OR2L13: variants seen among roughly 807,000 people sequenced by gnomAD.
The protein encoded by OR2L13 is olfactory receptor family 2 subfamily L member 13, also known as olfactory receptor 2L13.
Under a neutral mutation model 15.3 loss-of-function variants are expected in OR2L13, and 14 were observed. The observed-to-expected ratio is 0.91, with a 90% CI of 0.60 to 1.43. OR2L13 has a LOEUF of 1.43. Among genes scored for constraint, OR2L13 ranks in the 40% most tolerant of loss-of-function variants. The pLI, the probability that OR2L13 is intolerant of heterozygous loss-of-function variation, is 0.00. For synonymous variants in OR2L13, 152 were observed against 142.9 expected (o/e 1.06, Z -0.45); for missense variants, 367 against 387.9 (o/e 0.95, Z 0.45).
At chr1:247,969,584 C>A in the OR2L13 span, among the ~76,000 whole-genome samples, 3 of 152,184 alleles carry the variant, frequency 2.0e-5, no homozygotes, top group African/African-American at 7.2e-5. Flanking sequence ...AAGCAGACCT[C>A]ACTTTCAAAT....
chr1:247,943,172 A>C, the OR2L13 span, among the ~76,000 whole-genome samples: 5 of 152,280 alleles, frequency 3.3e-5, no homozygotes, highest in East Asian at 9.6e-4. Context: ...ATGGGCATAG[A>C]AATATTTGTT....
the OR2L13 span, chr1:248,046,714 A>G: frequency 2.0e-5 from 3 of 152,324 alleles, no homozygotes; most frequent in African/African-American, 7.2e-5. Flanking sequence ...GACTGGATTC[A>G]TGATTGCTAC....
chr1:248,022,190 T>G, the OR2L13 span: 6 of 1,613,966 alleles, frequency 3.7e-6, no homozygotes, highest in Non-Finnish European at 5.1e-6. Flanking sequence ...CTAAGATGGC[T>G]TCTGATTTTC....
the OR2L13 span, among the ~76,000 whole-genome samples, chr1:248,086,959 C>T: frequency 6.6e-6 from 1 of 151,870 alleles, no homozygotes; most frequent in Non-Finnish European, 1.5e-5. Context: ...AATGTTGTGT[C>T]TATTAGTGTC....
chr1:248,082,103 C>G, the OR2L13 span, among the ~76,000 whole-genome samples: 1 of 148,122 alleles, frequency 6.8e-6, no homozygotes, highest in Non-Finnish European at 1.5e-5. Flanking sequence ...AAATGTCCAA[C>G]AATGATAGAC....
At chr1:247,953,163 T>A in the OR2L13 span, among the ~76,000 whole-genome samples, 1 of 152,210 alleles carries the variant, frequency 6.6e-6, no homozygotes. Context: ...CAGATAATTT[T>A]GAAAGTTGGA....
the OR2L13 span, among the ~76,000 whole-genome samples, chr1:248,012,086 C>G: frequency 6.6e-6 from 1 of 152,286 alleles, no homozygotes; most frequent in Middle Eastern, 3.4e-3. Flanking sequence ...ATTCTAATCA[C>G]TTCTTCCAGA....
At chr1:248,083,622 T>C in the OR2L13 span, 8 of 1,372,560 alleles carry the variant, frequency 5.8e-6, no homozygotes, top group South Asian at 9.4e-5. Context: ...TTAGAGTCAT[T>C]TGACACTAGA....
At chr1:248,023,095 C>A in the OR2L13 span, 27 of 453,006 alleles carry the variant, frequency 6.0e-5, no homozygotes, top group Non-Finnish European at 9.3e-5. Context: ...AAAGACAGAT[C>A]ATATATTTTA....
At chr1:248,011,125 G>A in the OR2L13 span, among the ~76,000 whole-genome samples, 5 of 151,978 alleles carry the variant, frequency 3.3e-5, no homozygotes, top group African/African-American at 4.8e-5. Context: ...CTTCCTTCAG[G>A]AGCTCTTGTA....
the OR2L13 span, among the ~76,000 whole-genome samples, chr1:248,089,578 A>C: frequency 3.3e-5 from 5 of 152,202 alleles, no homozygotes; most frequent in Non-Finnish European, 7.3e-5. Flanking sequence ...GAGCAACTTC[A>C]TAAGCAAGAA....
the OR2L13 span, among the ~76,000 whole-genome samples, chr1:248,064,300 T>A: frequency 6.6e-6 from 1 of 152,132 alleles, no homozygotes; most frequent in Non-Finnish European, 1.5e-5. Context: ...GTTTGTCCCT[T>A]CTACCATGTG....
chr1:248,021,214 A>G, the OR2L13 span, among the ~76,000 whole-genome samples: 1 of 152,158 alleles, frequency 6.6e-6, no homozygotes, highest in Admixed American at 6.5e-5. Flanking sequence ...CTATAAATGT[A>G]TATATTTCTT....
the OR2L13 span, among the ~76,000 whole-genome samples, chr1:248,069,941 T>C: frequency 6.6e-6 from 1 of 152,082 alleles, no homozygotes; most frequent in African/African-American, 2.4e-5. Context: ...TAAATATATA[T>C]GCACCCAATA....
chr1:248,004,131 T>C, the OR2L13 span: 1 of 1,329,788 alleles, frequency 7.5e-7, no homozygotes, highest in Admixed American at 2.4e-5. Flanking sequence ...TGTATAGTAA[T>C]TAAAATATCA....
the OR2L13 span, among the ~76,000 whole-genome samples, chr1:248,080,150 TA>T: frequency 1.7e-3 from 260 of 152,078 alleles, no homozygotes; most frequent in African/African-American, 5.9e-3. Flanking sequence ...TTTACATCTG[TA>T]AAAAAAATTA....
At chr1:248,053,665 T>C in the OR2L13 span, among the ~76,000 whole-genome samples, 2 of 152,242 alleles carry the variant, frequency 1.3e-5, no homozygotes, top group African/African-American at 4.8e-5. Flanking sequence ...CGGCAGCAGA[T>C]GGTATCTAAT....
At chr1:248,039,234 G>C in the OR2L13 span, 2 of 1,574,930 alleles carry the variant, frequency 1.3e-6, no homozygotes, top group Non-Finnish European at 8.6e-7. Context: ...GAGTCAAAGC[G>C]CTAGGTTCAT....
the OR2L13 span, among the ~76,000 whole-genome samples, chr1:248,051,634 A>G: frequency 6.6e-6 from 1 of 152,204 alleles, no homozygotes; most frequent in African/African-American, 2.4e-5. Flanking sequence ...TATTTGTGCT[A>G]TGTTCATTAT....
Sources: gnomAD v4.1 joint callset for allele counts (sites outside exome capture counted in the v4.1 genomes callset) on GRCh38, gnomAD v4.1.1 for gene constraint, MANE v1.5 for transcripts, NCBI Gene and HGNC (gene_info 2026-07-23, HGNC 2026-07-21) for gene names.